GRM1: variants seen among roughly 807,000 people sequenced by gnomAD.
The protein encoded by GRM1 is glutamate metabotropic receptor 1.
In GRM1, 33 loss-of-function variants were observed where a neutral mutation model predicts 90.9. The ratio of observed to expected loss-of-function variants is 0.36; its 90% CI spans 0.28 to 0.49. The LOEUF is 0.49. Ranked by LOEUF, GRM1 falls within the 20% of genes least tolerant of loss-of-function variation. GRM1 has a pLI of 0.99. For missense variants in GRM1, 1,190 were observed against 1,534.3 expected (o/e 0.78, Z 3.75); for synonymous variants, 700 against 613.2 (o/e 1.14, Z -2.09).
chr6:146,276,838 C>T lies in GRM1; in HGVS notation c.951-27773C>T, dbSNP rs528383528. Among the ~76,000 whole-genome samples, 78 of 152,162 alleles carry T rather than the reference C, an allele frequency of 5.1e-4. 1 individual carries two copies. Among genetic ancestry groups the T allele is most frequent in the African/African-American group, 1.6e-3 (68 of 41,532 alleles). On this transcript the variant is annotated intron_variant, in intron 2 of 7. Coordinates refer to ENST00000282753, the MANE Select transcript of GRM1 (RefSeq NM_001278064.2). ...TCCAGAGGCAGGGCACGGTGGTTTA[C>T]GTATGTAATCCCAGCACTTTGGGAA...
chr6:146,093,434 C>G (rs188809999), intron 1 of GRM1, among the ~76,000 whole-genome samples: 2 of 152,062 alleles, frequency 1.3e-5, no homozygotes, highest in African/African-American at 4.8e-5. Context: ...TGTGAGTACA[C>G]TGGATTTTAC....
At chr6:146,137,064 G>A (rs1306953641) in intron 1 of GRM1, among the ~76,000 whole-genome samples, 1 of 151,966 alleles carries the variant, frequency 6.6e-6, no homozygotes, top group Non-Finnish European at 1.5e-5. Flanking sequence ...TGTTGTCCAG[G>A]CTGATTTTGA....
intron 2 of GRM1, among the ~76,000 whole-genome samples, chr6:146,177,948 G>T (rs775742099): frequency 1.6e-4 from 24 of 152,032 alleles, no homozygotes; most frequent in Non-Finnish European, 2.9e-4. Context: ...TGCTAAGATA[G>T]GTCAAGAAAG....
chr6:146,320,213 TGA>T (rs1383880451), intron 3 of GRM1, among the ~76,000 whole-genome samples: 1 of 152,216 alleles, frequency 6.6e-6, no homozygotes, highest in Non-Finnish European at 1.5e-5. Context: ...CTACATCTAT[TGA>T]GATAATCATG....
intron 2 of GRM1, among the ~76,000 whole-genome samples, chr6:146,256,528 A>G (rs540307296): frequency 9.9e-5 from 15 of 152,074 alleles, no homozygotes; most frequent in Non-Finnish European, 1.9e-4. Flanking sequence ...TGTAGAGGAC[A>G]CTGTGTATGA....
intron 2 of GRM1, among the ~76,000 whole-genome samples, chr6:146,204,464 G>A (rs1779426819): frequency 1.3e-5 from 2 of 152,110 alleles, no homozygotes; most frequent in Admixed American, 6.5e-5. Flanking sequence ...AAAATTATTT[G>A]CAGGGCACGG....
At chr6:146,289,013 A>G (rs566001570) in intron 2 of GRM1, among the ~76,000 whole-genome samples, 4 of 152,320 alleles carry the variant, frequency 2.6e-5, no homozygotes, top group Admixed American at 6.5e-5. Flanking sequence ...AATTGTGTAC[A>G]GTGCCTAATA....
At chr6:146,375,374 C>T (rs1308967036) in intron 5 of GRM1, among the ~76,000 whole-genome samples, 2 of 151,780 alleles carry the variant, frequency 1.3e-5, no homozygotes, top group Non-Finnish European at 2.9e-5. Flanking sequence ...TTCTGCAGCT[C>T]TTAGATGAAA....
chr6:146,284,621 G>T (rs1782692936), intron 2 of GRM1, among the ~76,000 whole-genome samples: 1 of 152,272 alleles, frequency 6.6e-6, no homozygotes, highest in South Asian at 2.1e-4. Context: ...CCCCCATGCT[G>T]TTCTTGTGAT....
rs539766144 is a variant in GRM1 at position 146,068,749 on chromosome 6, T to C, written c.700+38532T>C. Among the ~76,000 whole-genome samples, 4 of 152,366 alleles carry C rather than the reference T, an allele frequency of 2.6e-5. No homozygotes were observed. In the East Asian group the frequency reaches 7.7e-4, roughly 29 times the overall value. On this transcript the variant is annotated intron_variant, in intron 1 of 7. Transcript: ENST00000282753. Reference sequence around the variant, plus strand: ...TAAAGGCAAAAAATTGGCTTGAATGTCTTGAGGACAATTAAAAAGTAGCTA... The same window carrying C: ...TAAAGGCAAAAAATTGGCTTGAATGCCTTGAGGACAATTAAAAAGTAGCTA...
chr6:146,395,021 A>G (rs1204579224), intron 6 of GRM1, among the ~76,000 whole-genome samples: 1 of 152,018 alleles, frequency 6.6e-6, no homozygotes, highest in Admixed American at 6.6e-5. Flanking sequence ...AAGTTGCCTC[A>G]TTTTTCATGA....
chr6:146,166,223 T>G (rs1342970478), intron 2 of GRM1, among the ~76,000 whole-genome samples: 1 of 152,156 alleles, frequency 6.6e-6, no homozygotes, highest in African/African-American at 2.4e-5. Flanking sequence ...GATCTCACCT[T>G]AGACCATCAA....
intron 7 of GRM1, among the ~76,000 whole-genome samples, chr6:146,432,663 G>A (rs1055202764): frequency 2.6e-5 from 4 of 152,092 alleles, no homozygotes; most frequent in African/African-American, 9.7e-5. Context: ...CAGAGAAAAA[G>A]CAAACTTCTA....
intron 1 of GRM1, among the ~76,000 whole-genome samples, chr6:146,065,002 C>T (rs931733405): frequency 1.3e-5 from 2 of 151,448 alleles, no homozygotes; most frequent in African/African-American, 4.9e-5. Context: ...ATCTTCAAAG[C>T]CTTGAATTTT....
intron 6 of GRM1, among the ~76,000 whole-genome samples, chr6:146,394,819 T>C (rs1241474943): frequency 6.6e-6 from 1 of 152,106 alleles, no homozygotes; most frequent in African/African-American, 2.4e-5. Flanking sequence ...TAGTAATAAA[T>C]CATAGAGAGG....
chr6:146,294,700 C>T (rs1392230856), intron 2 of GRM1, among the ~76,000 whole-genome samples: 2 of 152,048 alleles, frequency 1.3e-5, no homozygotes, highest in Non-Finnish European at 2.9e-5. Flanking sequence ...CGAGAGATTT[C>T]TTTTTATCAA....
chr6:146,240,278 C>T (rs1432804897), intron 2 of GRM1, among the ~76,000 whole-genome samples: 1 of 151,784 alleles, frequency 6.6e-6, no homozygotes, highest in South Asian at 2.1e-4. Flanking sequence ...TGTCAGGATC[C>T]CTGCAGAATA....
chr6:146,215,884 G>A (rs1354899615), intron 2 of GRM1, among the ~76,000 whole-genome samples: 1 of 151,920 alleles, frequency 6.6e-6, no homozygotes, highest in Non-Finnish European at 1.5e-5. Flanking sequence ...AGCCTCCTGA[G>A]TAGCTGGGAC....
At chr6:146,372,425 T>G (rs1562647191) in intron 5 of GRM1, among the ~76,000 whole-genome samples, 1 of 152,134 alleles carries the variant, frequency 6.6e-6, no homozygotes, top group Non-Finnish European at 1.5e-5. Flanking sequence ...TCTTTTCATC[T>G]TATTGATTGT....
Sources: allele counts gnomAD v4.1 joint callset (sites outside exome capture counted in the v4.1 genomes callset), GRCh38; gene constraint gnomAD v4.1.1; transcripts MANE v1.5; gene names NCBI Gene and HGNC (gene_info 2026-07-23, HGNC 2026-07-21).